Variants in DSCAML1 observed in about 807,000 individuals in gnomAD.
DSCAML1 encodes cell adhesion molecule DSCAML1.
Under a neutral mutation model 200.5 loss-of-function variants are expected in DSCAML1, and 38 were observed. That is an observed-to-expected ratio of 0.19 (90% CI 0.15 to 0.25). The LOEUF (loss-of-function observed/expected upper bound fraction) is 0.25, where lower values mean the gene tolerates loss of function less well. Ranked by LOEUF, DSCAML1 falls within the 10% of genes least tolerant of loss-of-function variation. DSCAML1 has a pLI of 1.00. For synonymous variants in DSCAML1, 1,215 were observed against 1,165.0 expected, an observed-to-expected ratio of 1.04 and a Z score of -0.87; for missense variants, 2,223 against 2,858.8, an observed-to-expected ratio of 0.78 and a Z score of 5.07.
intron 8 of DSCAML1, among the ~76,000 whole-genome samples, chr11:117,512,887 C>T (rs547361843): frequency 3.3e-5 from 5 of 152,084 alleles, no homozygotes; most frequent in East Asian, 3.9e-4. Flanking sequence ...CCCAGCGAGT[C>T]GCCGAGACGG....
At chr11:117,758,342 C>T (rs1194743877) in intron 3 of DSCAML1, among the ~76,000 whole-genome samples, 1 of 151,160 alleles carries the variant, frequency 6.6e-6, no homozygotes, top group Non-Finnish European at 1.5e-5. Flanking sequence ...AATCATTCCT[C>T]TGTTTATTTG....
At position 117,437,806 on chromosome 11, in the gene DSCAML1, C is replaced by A. The variant is rs73592181; in HGVS notation, c.4432+89G>T. ...ATCCCTGGACCCCTCCTTCCCCACC[C>A]CAGCCACCTTACACCCCATACCTGG... On this transcript the variant is annotated intron_variant, in intron 25 of 32. Transcript: ENST00000651296. The surrounding 1 kb of genome is among the most constrained non-coding windows in gnomAD (Gnocchi z 5.3). 80 of 1,393,382 alleles carry A rather than the reference C, an allele frequency of 5.7e-5. No homozygotes were observed. In the African/African-American group the frequency reaches 1.0e-3, roughly 18 times the overall value. The allele number at this position is 1,393,382 out of a possible 1,614,324, so 86.3% of individuals were successfully genotyped here. A position where few individuals can be genotyped will look rare whatever the true frequency, so the allele number is the denominator to read the frequency against.
intron 3 of DSCAML1, among the ~76,000 whole-genome samples, chr11:117,601,810 C>T (rs972466083): frequency 2.6e-5 from 4 of 152,184 alleles, no homozygotes; most frequent in Non-Finnish European, 2.9e-5. Context: ...AGGAGCCTGG[C>T]CTTCCTCATA....
chr11:117,654,882 T>C (rs1275643300), intron 3 of DSCAML1, among the ~76,000 whole-genome samples: 1 of 152,140 alleles, frequency 6.6e-6, no homozygotes, highest in Non-Finnish European at 1.5e-5. Context: ...GGTACCCTGG[T>C]GGGGCCACCT....
chr11:117,505,097 C>T lies in DSCAML1; in HGVS notation c.2063-54G>A. The T allele has an allele frequency of 6.3e-7, 1 of 1,578,570 alleles. No individual in the cohort carries two copies. Among genetic ancestry groups the T allele is most frequent in the Non-Finnish European group, 8.6e-7 (1 of 1,157,628 alleles). ...GACCATTTTAGTCTCTGATGGGTCT[C>T]CTAGGGCTTCGAGCACCTTCTGTTT... is the stretch of plus-strand genomic sequence containing the variant. On this transcript the variant is annotated intron_variant, in intron 9 of 32. Transcript: ENST00000651296. The surrounding 1 kb of genome is among the most constrained non-coding windows in gnomAD (Gnocchi z 6.7).
At chr11:117,491,621 A>G (rs1029726957) in intron 11 of DSCAML1, among the ~76,000 whole-genome samples, 1 of 152,186 alleles carries the variant, frequency 6.6e-6, no homozygotes, top group African/African-American at 2.4e-5. Context: ...TAAAAATACA[A>G]AAATTAGCTG....
intron 3 of DSCAML1, among the ~76,000 whole-genome samples, chr11:117,622,514 C>T (rs563360537): frequency 4.6e-5 from 7 of 152,238 alleles, no homozygotes; most frequent in East Asian, 3.9e-4. Context: ...TTGACCTCAC[C>T]GATGAGCCTG....
chr11:117,584,268 C>T (rs1363300383), intron 3 of DSCAML1, among the ~76,000 whole-genome samples: 4 of 152,198 alleles, frequency 2.6e-5, no homozygotes, highest in Non-Finnish European at 5.9e-5. Context: ...GTGCCAGATC[C>T]TCAGACACTG....
Position 117,784,855 on chromosome 11 carries a change from G to T in DSCAML1, c.47-4045C>A, listed in dbSNP as rs187161753. Reference sequence around the variant, plus strand: ...CAAGATGGTGGAATGGAATGGGGCAGTTCTTGATTCCCCATGAGGATGTTA... The same window carrying T: ...CAAGATGGTGGAATGGAATGGGGCATTTCTTGATTCCCCATGAGGATGTTA... On this transcript the variant is annotated intron_variant, in intron 1 of 32. Coordinates refer to ENST00000651296, the MANE Select transcript of DSCAML1 (RefSeq NM_020693.4). Among the ~76,000 whole-genome samples the T allele has an allele frequency of 2.9e-3, 435 of 152,310 alleles. 3 individuals are homozygous for T. Among genetic ancestry groups the T allele is most frequent in the African/African-American group, 9.9e-3 (413 of 41,566 alleles).
At chr11:117,495,020 A>G (rs987213500) in intron 11 of DSCAML1, among the ~76,000 whole-genome samples, 102 of 152,314 alleles carry the variant, frequency 6.7e-4, no homozygotes, top group African/African-American at 2.4e-3. Context: ...AGCTTATGGT[A>G]CTTTGTGACA....
intron 3 of DSCAML1, among the ~76,000 whole-genome samples, chr11:117,559,344 T>C (rs1357207603): frequency 6.6e-6 from 1 of 152,132 alleles, no homozygotes; most frequent in African/African-American, 2.4e-5. Flanking sequence ...ACATTCCTTG[T>C]CACTGACCCC....
At chr11:117,475,663 T>G (rs2048776000) in intron 14 of DSCAML1, among the ~76,000 whole-genome samples, 2 of 152,202 alleles carry the variant, frequency 1.3e-5, no homozygotes, top group Non-Finnish European at 2.9e-5. Context: ...GTTTTTCCCC[T>G]TTACTTGGGA....
intron 8 of DSCAML1, among the ~76,000 whole-genome samples, chr11:117,511,744 C>CT (rs1565752701): frequency 6.6e-6 from 1 of 152,350 alleles, no homozygotes; most frequent in Admixed American, 6.5e-5. Flanking sequence ...CCTGCAGCCA[C>CT]TTTTTGGGCT....
At chr11:117,603,792 A>G (rs1227429856) in intron 3 of DSCAML1, among the ~76,000 whole-genome samples, 1 of 152,204 alleles carries the variant, frequency 6.6e-6, no homozygotes, top group Admixed American at 6.5e-5. Flanking sequence ...CAGAAAGAAA[A>G]AGGGAAATTT....
chr11:117,473,379 C>T (rs188974356), intron 14 of DSCAML1, among the ~76,000 whole-genome samples: 175 of 152,150 alleles, frequency 1.2e-3, no homozygotes, highest in Admixed American at 2.7e-3. Flanking sequence ...TGCCTGTAGT[C>T]CCAGCTACTT....
In DSCAML1 at chr11:117,699,205, G is replaced by T. The variant is rs571045172; in HGVS notation, c.511+77586C>A. 7.9e-5 allele frequency among the ~76,000 whole-genome samples: 12 copies of T among 152,280 alleles called. No homozygotes were observed. In the South Asian group the frequency reaches 2.5e-3, roughly 32 times the overall value. ...GCAAGCATATGGATTTGGCCAACAG[G>T]GTTTGAGCAGACAAAGGCAGGAGCT... On this transcript the variant is annotated intron_variant, in intron 3 of 32. Transcript: ENST00000651296.
intron 11 of DSCAML1, among the ~76,000 whole-genome samples, chr11:117,495,651 G>C (rs773282101): frequency 1.3e-5 from 2 of 151,926 alleles, no homozygotes; most frequent in Non-Finnish European, 2.9e-5. Flanking sequence ...CCAGCATCCG[G>C]CTGCTCAGGG....
chr11:117,634,004 A>T (rs2052226176), intron 3 of DSCAML1, among the ~76,000 whole-genome samples: 1 of 152,222 alleles, frequency 6.6e-6, no homozygotes, highest in Non-Finnish European at 1.5e-5. Context: ...AACCTATCAC[A>T]TGCCCTGCAC....
At position 117,443,911 on chromosome 11, in the gene DSCAML1, C is replaced by T; in HGVS notation, c.3837G>A (p.Lys1279=). 6.2e-7 allele frequency: 1 copy of T among 1,610,304 alleles called. No individual in the cohort carries two copies. Among genetic ancestry groups the T allele is most frequent in the Non-Finnish European group, 8.5e-7 (1 of 1,178,594 alleles). Residue 1279 remains lysine, a synonymous_variant, in exon 21 of 33, where the codon AAG becomes AAA. Transcript: ENST00000651296. The part of the protein sequence containing the change: ...TSAGRGNSSE[K]VTIEPAGKAP... ...CCTTGCCAGCAGGCTCGATGGTCACCTTCTCGCTGCTGTTGCCCCGGCCGG... is the reference window on the plus strand; with the variant it reads ...CCTTGCCAGCAGGCTCGATGGTCACTTTCTCGCTGCTGTTGCCCCGGCCGG...
Sources: gnomAD v4.1 joint callset for allele counts (sites outside exome capture counted in the v4.1 genomes callset) on GRCh38, gnomAD v4.1.1 for gene constraint, Gnocchi (gnomAD v3.1) non-coding constraint, MANE v1.5 for transcripts, NCBI Gene and HGNC (gene_info 2026-07-23, HGNC 2026-07-21) for gene names.